Variants in CCDC171 observed in about 807,000 individuals in gnomAD.
The protein encoded by CCDC171 is coiled-coil domain containing 171, also known as coiled-coil domain-containing protein 171.
Under a neutral mutation model 168.2 loss-of-function variants are expected in CCDC171, and 177 were observed. The ratio of observed to expected loss-of-function variants is 1.05; its 90% confidence interval spans 0.93 to 1.19. CCDC171 has a LOEUF of 1.19. Ranked by LOEUF, CCDC171 falls within the 50% of genes most tolerant of loss-of-function variation. The probability of loss-of-function intolerance (pLI) is 0.00; values close to 1 mark genes in which losing one functional copy is unlikely to be tolerated. For synonymous variants in CCDC171, 687 were observed against 540.8 expected (o/e 1.27, Z -3.75); for missense variants, 1,991 against 1,539.0 (o/e 1.29, Z -4.91).
In CCDC171 at chr9:15,688,816, C is replaced by T. The variant is rs141505477; in HGVS notation, c.1216-6419C>T. Among the ~76,000 whole-genome samples, 207 of 152,282 alleles carry T rather than the reference C, an allele frequency of 1.4e-3. 2 individuals carry two copies. Among genetic ancestry groups the T allele is most frequent in the Middle Eastern group, 6.8e-3 (2 of 294 alleles). Reference sequence around the variant, plus strand: ...AATAATACAAGGATGTACACTCTCACCATGTCTGTTCAACATTTTACTGGA... The same window carrying T: ...AATAATACAAGGATGTACACTCTCATCATGTCTGTTCAACATTTTACTGGA... On this transcript the variant is annotated intron_variant, in intron 10 of 25. Transcript: ENST00000380701.
chr9:15,806,727 G>A (rs569947618), intron 21 of CCDC171, among the ~76,000 whole-genome samples: 7 of 151,934 alleles, frequency 4.6e-5, no homozygotes, highest in Non-Finnish European at 8.8e-5. Context: ...GTAGAATCTT[G>A]CAGGGGTTCT....
chr9:15,938,445 T>G (rs981930053), intron 25 of CCDC171, among the ~76,000 whole-genome samples: 5 of 151,896 alleles, frequency 3.3e-5, no homozygotes, highest in African/African-American at 1.2e-4. Flanking sequence ...AATCCTAATT[T>G]TTTTTTCTTT....
At chr9:15,661,242 T>C (rs2048294825) in intron 8 of CCDC171, among the ~76,000 whole-genome samples, 1 of 137,038 alleles carries the variant, frequency 7.3e-6, no homozygotes, top group Non-Finnish European at 1.5e-5. Context: ...ATTGCACCAC[T>C]GAAATCCAGC....
chr9:15,562,989 A>G lies in CCDC171; in HGVS notation c.-111-989A>G, dbSNP rs543699837. ...CTCTGAATCAGATGAGTTTTCTTAT[A>G]AAGTGAGGATAATAACCCTCACGTA... On this transcript the variant is annotated intron_variant, in intron 1 of 25. Coordinates refer to ENST00000380701, the MANE Select transcript of CCDC171 (RefSeq NM_173550.4). 2.6e-5 allele frequency among the ~76,000 whole-genome samples: 4 copies of G among 152,248 alleles called. No homozygotes were observed. In the East Asian group the frequency reaches 7.7e-4, roughly 29 times the overall value.
chr9:15,711,820 T>C (rs2052689391), intron 11 of CCDC171, among the ~76,000 whole-genome samples: 1 of 152,228 alleles, frequency 6.6e-6, no homozygotes, highest in African/African-American at 2.4e-5. Flanking sequence ...TACTCTGTAC[T>C]TAGTCCTTCT....
chr9:15,813,314 A>G (rs1027515973), intron 21 of CCDC171, among the ~76,000 whole-genome samples: 2 of 152,236 alleles, frequency 1.3e-5, no homozygotes, highest in Admixed American at 1.3e-4. Context: ...TGTGTTAAAG[A>G]TAGTGGAACT....
chr9:15,589,294 C>T (rs897037808), intron 4 of CCDC171, among the ~76,000 whole-genome samples: 1 of 152,168 alleles, frequency 6.6e-6, no homozygotes, highest in African/African-American at 2.4e-5. Flanking sequence ...CTCCCTTAAG[C>T]CCAGACATCT....
chr9:15,632,560 T>C (rs1050607350), intron 7 of CCDC171, among the ~76,000 whole-genome samples: 19 of 152,144 alleles, frequency 1.2e-4, no homozygotes, highest in African/African-American at 4.6e-4. Context: ...TGCTCATGGG[T>C]AGGAAGAATC....
At chr9:15,661,751 G>T (rs1168288686) in intron 8 of CCDC171, among the ~76,000 whole-genome samples, 1 of 152,164 alleles carries the variant, frequency 6.6e-6, no homozygotes. Context: ...TTGTTATTTT[G>T]TAGTCTATTT....
chr9:15,662,193 C>G (rs1344166427), intron 8 of CCDC171, among the ~76,000 whole-genome samples: 2 of 152,142 alleles, frequency 1.3e-5, no homozygotes, highest in Non-Finnish European at 2.9e-5. Context: ...ATGAGAATTG[C>G]TTGAGCCTGG....
chr9:15,554,428 C>A (rs926739067), intron 1 of CCDC171, among the ~76,000 whole-genome samples: 29 of 152,284 alleles, frequency 1.9e-4, no homozygotes, highest in African/African-American at 5.8e-4. Context: ...GGCAGTGCAA[C>A]CTGCTAAGAG....
intron 7 of CCDC171, among the ~76,000 whole-genome samples, chr9:15,641,244 A>T (rs182862048): frequency 6.6e-4 from 100 of 152,292 alleles, no homozygotes; most frequent in African/African-American, 2.3e-3. Context: ...ACTAACATAC[A>T]ACACACTCCT....
intron 6 of CCDC171, among the ~76,000 whole-genome samples, chr9:15,620,242 C>T (rs2044398759): frequency 6.6e-6 from 1 of 152,124 alleles, no homozygotes. Context: ...GATAGTGACT[C>T]CTTTGATGGA....
chr9:15,886,529 G>T (rs1403908878), intron 24 of CCDC171: 1 of 152,132 alleles, frequency 6.6e-6, no homozygotes, highest in South Asian at 2.1e-4. Context: ...AATGTAAATT[G>T]GTATAGCTAT....
At chr9:15,978,095 C>G (rs1443999278), downstream of CCDC171, among the ~76,000 whole-genome samples, 1 of 152,092 alleles carries the variant, frequency 6.6e-6, no homozygotes, top group Non-Finnish European at 1.5e-5. Context: ...CGTAGACACT[C>G]CCTGCAAATC....
In CCDC171 at chr9:16,000,443, A is replaced by C. The variant is rs565895487; in HGVS notation, n.369-20146A>C. On this transcript the variant is annotated intron_variant and non_coding_transcript_variant, in intron 3 of 9. Coordinates refer to the CCDC171 transcript ENST00000486641. ...AGGTGAGAACTCTTTAATACTTTAA[A>C]AGTTTCTAGGTAGAAAAAAATTTTA... Among the ~76,000 whole-genome samples the C allele has an allele frequency of 4.6e-5, 7 of 152,280 alleles. No homozygotes were observed. In the East Asian group the frequency reaches 1.4e-3, roughly 29 times the overall value.
intron 24 of CCDC171, among the ~76,000 whole-genome samples, chr9:15,877,841 T>C (rs1321297809): frequency 6.6e-6 from 1 of 152,210 alleles, no homozygotes; most frequent in East Asian, 1.9e-4. Flanking sequence ...AATTATGATA[T>C]GTACTATTGG....
intron 8 of CCDC171, among the ~76,000 whole-genome samples, chr9:15,664,962 A>G (rs939344434): frequency 5.3e-5 from 8 of 152,062 alleles, no homozygotes; most frequent in Non-Finnish European, 1.2e-4. Context: ...GCCTGGGAGT[A>G]TAGTTTTAAA....
At chr9:16,016,541 C>T (rs1286909327) in intron 3 of CCDC171, among the ~76,000 whole-genome samples, 5 of 152,110 alleles carry the variant, frequency 3.3e-5, no homozygotes, top group Admixed American at 6.6e-5. Context: ...TGTCAACTCC[C>T]GAAATGCTTT....
Sources: allele counts gnomAD v4.1 joint callset (sites outside exome capture counted in the v4.1 genomes callset), GRCh38; gene constraint gnomAD v4.1.1; transcripts MANE v1.5; gene names NCBI Gene and HGNC (gene_info 2026-07-23, HGNC 2026-07-21).